SYT14: variants seen among roughly 807,000 people sequenced by gnomAD.
SYT14 encodes the protein synaptotagmin 14.
Under a neutral mutation model 74.2 loss-of-function variants are expected in SYT14, and 32 were observed. The observed-to-expected ratio is 0.43, with a 90% CI of 0.33 to 0.58. The LOEUF (loss-of-function observed/expected upper bound fraction) is 0.58, where lower values mean the gene tolerates loss of function less well. Among genes scored for constraint, SYT14 ranks in the 20% least tolerant of loss-of-function variants. The pLI is 0.05. For missense variants in SYT14, 791 were observed against 981.8 expected (o/e 0.81, Z 2.60); for synonymous variants, 298 against 337.7 (o/e 0.88, Z 1.29).
intron 1 of SYT14, among the ~76,000 whole-genome samples, chr1:209,940,944 T>C (rs1430500574): frequency 6.6e-6 from 1 of 152,212 alleles, no homozygotes; most frequent in Non-Finnish European, 1.5e-5. Context: ...AATAGGTTTT[T>C]TTGGAGCTTC....
At chr1:209,988,485 T>C (rs12086145) in intron 2 of SYT14, among the ~76,000 whole-genome samples, 20,431 of 152,166 alleles carry the variant, frequency 0.13, 4,323 homozygotes, top group African/African-American at 0.45. Context: ...GATAATTTCT[T>C]TATTGGATGC....
chr1:210,106,762 A>G (rs1238994184), intron 7 of SYT14, among the ~76,000 whole-genome samples: 6 of 152,118 alleles, frequency 3.9e-5, no homozygotes, highest in African/African-American at 1.4e-4. Flanking sequence ...GAAACAGCCA[A>G]ACCATATCAT....
intron 2 of SYT14, among the ~76,000 whole-genome samples, chr1:210,010,421 A>G (rs868523837): frequency 6.6e-6 from 1 of 152,140 alleles, no homozygotes; most frequent in Non-Finnish European, 1.5e-5. Context: ...ATTATTGCCC[A>G]TTAGTGCTTA....
At chr1:210,058,913 A>C (rs188312176) in intron 5 of SYT14, among the ~76,000 whole-genome samples, 20 of 152,302 alleles carry the variant, frequency 1.3e-4, no homozygotes, top group African/African-American at 4.6e-4. Flanking sequence ...AAGTTCCATG[A>C]ACAGAAGCTT....
intron 5 of SYT14, among the ~76,000 whole-genome samples, chr1:210,082,345 A>G (rs1432880841): frequency 6.6e-6 from 1 of 152,178 alleles, no homozygotes. Flanking sequence ...ATTCTAAGCA[A>G]AGTTGAGAAC....
At chr1:210,017,229 T>G (rs973591197) in intron 4 of SYT14, 29 of 585,000 alleles carry the variant, frequency 5.0e-5, no homozygotes, top group Non-Finnish European at 6.5e-5. Context: ...TGAATCCTTT[T>G]ACTGGGAAAC....
chr1:209,939,094 A>G (rs1036864818), intron 1 of SYT14, among the ~76,000 whole-genome samples: 5 of 152,212 alleles, frequency 3.3e-5, no homozygotes, highest in African/African-American at 1.2e-4. Context: ...TGTTCCAGAA[A>G]CATGTAACTG....
At chr1:210,144,538 G>A (rs938583300) in intron 7 of SYT14, among the ~76,000 whole-genome samples, 3 of 151,504 alleles carry the variant, frequency 2.0e-5, no homozygotes, top group Admixed American at 6.6e-5. Flanking sequence ...TTATATACTC[G>A]TATTGTTCTT....
chr1:210,036,088 T>C (rs1442118492), intron 5 of SYT14, among the ~76,000 whole-genome samples: 1 of 152,084 alleles, frequency 6.6e-6, no homozygotes, highest in Non-Finnish European at 1.5e-5. Context: ...CTTTCATTAG[T>C]GTTTGGTAGT....
At chr1:210,164,122 T>G (rs770706670) in exon 10 of SYT14, 2 of 446,294 alleles carry the variant, frequency 4.5e-6, no homozygotes, top group South Asian at 3.2e-5. Context: ...AGAATTTGTT[T>G]AGCATAATAT....
chr1:210,088,311 T>C (rs1035662701), intron 5 of SYT14, among the ~76,000 whole-genome samples: 1 of 152,010 alleles, frequency 6.6e-6, no homozygotes, highest in Non-Finnish European at 1.5e-5. Context: ...CAACCGGTCA[T>C]CTACATTAGG....
intron 2 of SYT14, among the ~76,000 whole-genome samples, chr1:209,990,190 A>G (rs2079640342): frequency 6.6e-6 from 1 of 151,976 alleles, no homozygotes; most frequent in Admixed American, 6.6e-5. Flanking sequence ...GTTTTTGTAC[A>G]TTTTACAAAA....
At chr1:210,119,995 C>T (rs911305553) in intron 7 of SYT14, among the ~76,000 whole-genome samples, 2 of 152,258 alleles carry the variant, frequency 1.3e-5, no homozygotes, top group Admixed American at 1.3e-4. Context: ...TAACGATATC[C>T]TCTGATCTTA....
intron 7 of SYT14, among the ~76,000 whole-genome samples, chr1:210,120,460 T>A (rs1409128469): frequency 1.3e-5 from 2 of 151,682 alleles, no homozygotes; most frequent in African/African-American, 4.8e-5. Context: ...CCTGGGCTCA[T>A]CAGCCTCCCG....
At chr1:209,979,389 G>A (rs113105115) in intron 2 of SYT14, among the ~76,000 whole-genome samples, 11 of 152,244 alleles carry the variant, frequency 7.2e-5, no homozygotes, top group African/African-American at 2.6e-4. Context: ...TGAGCCTGTG[G>A]ATGTTGTTAT....
chr1:210,160,399 A>G (rs1317082515), intron 9 of SYT14, among the ~76,000 whole-genome samples: 1 of 151,604 alleles, frequency 6.6e-6, no homozygotes, highest in African/African-American at 2.4e-5. Context: ...TGGGAATGGG[A>G]ACGGGCAGGG....
intron 8 of SYT14, among the ~76,000 whole-genome samples, chr1:210,158,800 G>A (rs1410775875): frequency 6.6e-6 from 1 of 152,102 alleles, no homozygotes; most frequent in Admixed American, 6.5e-5. Context: ...TATTTATAAA[G>A]TAAAAGGTAA....
intron 2 of SYT14, among the ~76,000 whole-genome samples, chr1:209,999,652 A>C (rs2079857744): frequency 6.6e-6 from 1 of 152,200 alleles, no homozygotes; most frequent in Non-Finnish European, 1.5e-5. Flanking sequence ...AGCCAGACAC[A>C]CACAGAAAGA....
intron 5 of SYT14, among the ~76,000 whole-genome samples, chr1:210,079,662 T>C (rs1326716753): frequency 6.6e-6 from 1 of 152,036 alleles, no homozygotes; most frequent in Non-Finnish European, 1.5e-5. Context: ...CAGAAATAAT[T>C]AGAACACTGG....
Sources: gnomAD v4.1 joint callset for allele counts (sites outside exome capture counted in the v4.1 genomes callset) on GRCh38, gnomAD v4.1.1 for gene constraint, MANE v1.5 for transcripts, NCBI Gene and HGNC (gene_info 2026-07-23, HGNC 2026-07-21) for gene names.